ANO3: variants seen among roughly 807,000 people sequenced by gnomAD.
ANO3 encodes anoctamin-3.
A neutral mutation model predicts 144.8 loss-of-function variants in ANO3; 99 were observed. The observed-to-expected ratio is 0.68, with a 90% CI of 0.58 to 0.81. The LOEUF is 0.81. Among genes scored for constraint, ANO3 ranks in the 30% least tolerant of loss-of-function variants. ANO3 has a pLI of 0.00. For missense variants in ANO3, 905 were observed against 1,202.2 expected, an observed-to-expected ratio of 0.75 and a Z score of 3.66; for synonymous variants, 414 against 392.6, an observed-to-expected ratio of 1.05 and a Z score of -0.64.
chr11:26,572,392 A>G (rs528736382), intron 14 of ANO3: 2 of 304,908 alleles, frequency 6.6e-6, no homozygotes, highest in Non-Finnish European at 9.6e-6. Context: ...ACGGGTCATC[A>G]ATTTTTTTTT....
intron 4 of ANO3, among the ~76,000 whole-genome samples, chr11:26,500,373 T>A (rs1861144391): frequency 6.6e-6 from 1 of 152,088 alleles, no homozygotes; most frequent in South Asian, 2.1e-4. Context: ...TATAAGAAAT[T>A]GCCAAACTGT....
intron 17 of ANO3, among the ~76,000 whole-genome samples, chr11:26,611,332 G>A (rs996243649): frequency 1.3e-5 from 2 of 152,026 alleles, no homozygotes; most frequent in Non-Finnish European, 2.9e-5. Flanking sequence ...TTTGTCTCAA[G>A]TAATTTTTCA....
intron 1 of ANO3, among the ~76,000 whole-genome samples, chr11:26,315,103 G>GA (rs5790568): frequency 0.35 from 52,628 of 149,670 alleles, 9,748 homozygotes; most frequent in Non-Finnish European, 0.42. Context: ...TATATTCTCA[G>GA]AAAAAAAAAC....
chr11:26,259,662 C>G (rs1245217696), intron 1 of ANO3, among the ~76,000 whole-genome samples: 1 of 148,666 alleles, frequency 6.7e-6, no homozygotes, highest in Non-Finnish European at 1.5e-5. Context: ...AGCGAGACTC[C>G]ATAAAAAAAA....
At chr11:26,486,377 A>AAAAG (rs780384502) in intron 4 of ANO3, among the ~76,000 whole-genome samples, 5,915 of 149,638 alleles carry the variant, frequency 0.04, 259 homozygotes, top group African/African-American at 0.096. Context: ...AAAAAAAAAA[A>AAAAG]AAGGAAGTCA....
rs565588762 is a variant in ANO3, at chr11:26,595,963, G to C, written c.1448-2402G>C. On this transcript the variant is annotated intron_variant, in intron 14 of 26. Coordinates refer to ENST00000256737, the MANE Select transcript of ANO3 (RefSeq NM_031418.4). ...AATTGAATGCATTTGGGCCATTCGC[G>C]GGTTACTGAGTTAAGAATTTTTGAT... Among the ~76,000 whole-genome samples, 10 of 152,226 alleles carry C rather than the reference G, an allele frequency of 6.6e-5. No individual in the cohort carries two copies. In the South Asian group the frequency reaches 1.9e-3, roughly 28 times the overall value.
At chr11:26,224,651 T>C (rs1351098951) in intron 1 of ANO3, among the ~76,000 whole-genome samples, 1 of 152,234 alleles carries the variant, frequency 6.6e-6, no homozygotes, top group Non-Finnish European at 1.5e-5. Flanking sequence ...TCAGAATCTA[T>C]GGTTGAAATG....
chr11:26,237,035 A>G (rs1377194331), intron 1 of ANO3, among the ~76,000 whole-genome samples: 2 of 152,062 alleles, frequency 1.3e-5, no homozygotes, highest in Non-Finnish European at 2.9e-5. Context: ...TCCTTCTCCT[A>G]CAATTCCAAG....
intron 1 of ANO3, among the ~76,000 whole-genome samples, chr11:26,413,439 T>C (rs1170816238): frequency 6.6e-6 from 1 of 152,090 alleles, no homozygotes; most frequent in Non-Finnish European, 1.5e-5. Context: ...CTTAAATGCA[T>C]TTCCTTAGAA....
chr11:26,543,059 T>G (rs998185985), intron 11 of ANO3, among the ~76,000 whole-genome samples: 2 of 151,882 alleles, frequency 1.3e-5, no homozygotes, highest in African/African-American at 4.8e-5. Flanking sequence ...ATGAGGAAGC[T>G]CCCAGGGACC....
chr11:26,338,666 T>C (rs1251416382), intron 1 of ANO3, among the ~76,000 whole-genome samples: 2 of 152,138 alleles, frequency 1.3e-5, no homozygotes, highest in Admixed American at 6.5e-5. Flanking sequence ...GTCTCCAGCT[T>C]CATTCCTGAA....
intron 1 of ANO3, among the ~76,000 whole-genome samples, chr11:26,432,514 T>G (rs1011561389): frequency 1.3e-5 from 2 of 152,172 alleles, no homozygotes; most frequent in Non-Finnish European, 2.9e-5. Flanking sequence ...AGGTCGTCTT[T>G]CAGGGTTTTT....
intron 14 of ANO3, among the ~76,000 whole-genome samples, chr11:26,574,207 AG>A (rs1217536899): frequency 6.6e-6 from 1 of 152,258 alleles, no homozygotes; most frequent in Non-Finnish European, 1.5e-5. Flanking sequence ...ACATACTGGG[AG>A]GAAGAAAAAC....
chr11:26,594,889 A>G (rs1224781398), intron 14 of ANO3, among the ~76,000 whole-genome samples: 4 of 152,182 alleles, frequency 2.6e-5, no homozygotes, highest in African/African-American at 9.7e-5. Context: ...TACTTCCCTC[A>G]GGGGGCCAGG....
intron 24 of ANO3, among the ~76,000 whole-genome samples, chr11:26,649,358 C>A (rs1853450455): frequency 6.6e-6 from 1 of 152,120 alleles, no homozygotes; most frequent in South Asian, 2.1e-4. Flanking sequence ...TATTAAACTT[C>A]TGTAGTTTTA....
intron 1 of ANO3, among the ~76,000 whole-genome samples, chr11:26,231,421 G>A (rs1427063280): frequency 1.3e-5 from 2 of 152,172 alleles, no homozygotes. Flanking sequence ...TGAAGGTTTG[G>A]ATGGAGATTA....
At chr11:26,614,375 G>A (rs981786551) in intron 17 of ANO3, among the ~76,000 whole-genome samples, 4 of 152,140 alleles carry the variant, frequency 2.6e-5, no homozygotes, top group Non-Finnish European at 4.4e-5. Flanking sequence ...TCAGTCCTTC[G>A]ATCTGGCCTA....
At chr11:26,263,244 A>G (rs545066680) in intron 1 of ANO3, among the ~76,000 whole-genome samples, 2 of 152,330 alleles carry the variant, frequency 1.3e-5, no homozygotes, top group Admixed American at 6.5e-5. Context: ...GTGCAAACCA[A>G]TGAGTCAAAT....
intron 1 of ANO3, among the ~76,000 whole-genome samples, chr11:26,435,958 C>T (rs1858280738): frequency 6.6e-6 from 1 of 152,164 alleles, no homozygotes; most frequent in Non-Finnish European, 1.5e-5. Flanking sequence ...AGAGGTAAAA[C>T]ACCCTGACCA....
Sources: gnomAD v4.1 joint callset for allele counts (sites outside exome capture counted in the v4.1 genomes callset) on GRCh38, gnomAD v4.1.1 for gene constraint, MANE v1.5 for transcripts, NCBI Gene and HGNC (gene_info 2026-07-23, HGNC 2026-07-21) for gene names.